The following SDK2 variants were observed in gnomAD, a reference collection of about 807,000 sequenced individuals.
SDK2 encodes sidekick cell adhesion molecule 2.
SDK2 carries 105 observed loss-of-function variants against 253.9 expected under a neutral mutation model. That is an observed-to-expected ratio of 0.41 (90% CI 0.35 to 0.49). SDK2 has a LOEUF of 0.49. SDK2 is among the 20% of genes least tolerant of loss of function. The pLI is 0.06. For synonymous variants in SDK2, 1,249 were observed against 1,234.9 expected (o/e 1.01, Z -0.24); for missense variants, 2,608 against 3,003.0 (o/e 0.87, Z 3.07).
rs2063613726 is a variant in SDK2 at position 73,467,882 on chromosome 17, T to C, written c.331+4230A>G. Among the ~76,000 whole-genome samples the C allele has an allele frequency of 6.6e-6, 1 of 152,216 alleles. No homozygotes were observed. The highest frequency in any genetic ancestry group is 1.5e-5 in the Non-Finnish European group (1 of 68,032). On this transcript the variant is annotated intron_variant, in intron 3 of 44. Coordinates refer to ENST00000392650, the MANE Select transcript of SDK2 (RefSeq NM_001144952.2). This position sits in a 1 kb window ranked among gnomAD's most constrained non-coding sequence, Gnocchi z 4.1. ...CTTCCCAGCGCTGGTTTCAGGGAGC[T>C]GCAGCTGGTGGACAGGGGGAGGTTA...
At chr17:73,469,761 C>T (rs1266843669) in intron 3 of SDK2, among the ~76,000 whole-genome samples, 1 of 152,140 alleles carries the variant, frequency 6.6e-6, no homozygotes, top group African/African-American at 2.4e-5. Flanking sequence ...ATTCCTATCA[C>T]AGCCATGAAG....
At chr17:73,415,726 C>T in intron 17 of SDK2, 85 bp downstream of exon 17, 18 of 1,246,364 alleles carry the variant, frequency 1.4e-5, no homozygotes, top group Non-Finnish European at 1.9e-5. Context: ...TGGGCTTGAG[C>T]AATCCTCCCG....
rs144850975 is a variant in SDK2 at position 73,383,106 on chromosome 17, G to A, written c.4705+770C>T. ...ACATATCATCTCCCATACTGGCCTC[G>A]GTCCACCCCGAGTCTGTGCCTCGGT... On this transcript the variant is annotated intron_variant, in intron 33 of 44. Transcript: ENST00000392650. This position sits in a 1 kb window ranked among gnomAD's most constrained non-coding sequence, Gnocchi z 4.3. Among the ~76,000 whole-genome samples, 23 of 152,220 alleles carry A rather than the reference G, an allele frequency of 1.5e-4. No individual in the cohort carries two copies. Among genetic ancestry groups the A allele is most frequent in the African/African-American group, 4.8e-4 (20 of 41,540 alleles).
chr17:73,350,348 C>T lies in SDK2; in HGVS notation c.5927G>A (p.Gly1976Asp), dbSNP rs759140095. Reference protein sequence around the residue: ...SGNSAKSGALGHSEMMSLDES... With the variant: ...SGNSAKSGALDHSEMMSLDES... ...ATCCAAGCTCATCATCTCGCTGTGG[C>T]CTAGGGCTCCAGACTTGGCACTGTT... Residue 1976 changes from glycine to aspartate, a missense_variant, in exon 43 of 45, where the codon GGC becomes GAC. Physicochemically the swap from Gly to Asp is moderately conservative, Grantham distance 94 (BLOSUM62 -1). Around this residue, in one of 2 missense-constraint regions of SDK2, gnomAD observed 1,103 missense variants for 1,143.9 expected, o/e 0.96. Coordinates refer to ENST00000392650, the MANE Select transcript of SDK2 (RefSeq NM_001144952.2). 5.0e-6 allele frequency: 8 copies of T among 1,613,770 alleles called. No homozygotes were observed. The highest frequency in any genetic ancestry group is 6.8e-6 in the Non-Finnish European group (8 of 1,179,826).
At position 73,626,916 on chromosome 17, in the gene SDK2, G is replaced by A. The variant is rs114981032; in HGVS notation, c.64+17109C>T. Among the ~76,000 whole-genome samples the A allele has an allele frequency of 6.0e-3, 911 of 152,288 alleles. 10 individuals are homozygous for A. The highest frequency in any genetic ancestry group is 0.021 in the African/African-American group (877 of 41,566). On this transcript the variant is annotated intron_variant, in intron 1 of 44. Coordinates refer to ENST00000392650, the MANE Select transcript of SDK2 (RefSeq NM_001144952.2). ...GCAGTGTTCGGTCTCCTTGGGTAGC[G>A]TCTTCACCCTGTGACCCCTTCTCCA...
In SDK2 at chr17:73,642,393, G is replaced by A. The variant is rs374802537; in HGVS notation, c.64+1632C>T. ...TGCTGGCATCCCGTCCCTCCACGCC[G>A]TCCAGGCTTTTGGCTAGTAACACTG... On this transcript the variant is annotated intron_variant, in intron 1 of 44. Coordinates refer to ENST00000392650, the MANE Select transcript of SDK2 (RefSeq NM_001144952.2). This position sits in a 1 kb window ranked among gnomAD's most constrained non-coding sequence, Gnocchi z 4.7. 2.6e-5 allele frequency among the ~76,000 whole-genome samples: 4 copies of A among 152,196 alleles called. No homozygotes were observed. Among genetic ancestry groups the A allele is most frequent in the African/African-American group, 4.8e-5 (2 of 41,454 alleles).
Position 73,431,533 on chromosome 17 carries a change from G to A in SDK2, c.1449C>T (p.Val483=), listed in dbSNP as rs754556933. 13 of 1,613,402 alleles carry A rather than the reference G, an allele frequency of 8.1e-6. No homozygotes were observed. In the Admixed American group the frequency reaches 1.0e-4, roughly 12 times the overall value. ...CGACTAGGTCTGCTGAGGCCTCATCGACCCCCCGAGAGTTGGTGGCCAGGC... is the reference window on the plus strand; with the variant it reads ...CGACTAGGTCTGCTGAGGCCTCATCAACCCCCCGAGAGTTGGTGGCCAGGC... ...YTCLATNSRG[V]DEASADLVVW... is the part of the protein sequence containing the mutation. The change falls in exon 11 of 45, where the codon GTC becomes GTT. Residue 483 remains valine, a synonymous_variant. Coordinates refer to ENST00000392650, the MANE Select transcript of SDK2 (RefSeq NM_001144952.2). This position sits in a 1 kb window ranked among gnomAD's most constrained non-coding sequence, Gnocchi z 5.6.
At chr17:73,412,132 G>A (rs62072152) in intron 18 of SDK2, among the ~76,000 whole-genome samples, 38,290 of 67,006 alleles carry the variant, frequency 0.57, 6,591 homozygotes, top group East Asian at 0.74. Flanking sequence ...GTATATATGT[G>A]TATGTGTATA....
intron 3 of SDK2, among the ~76,000 whole-genome samples, chr17:73,469,990 GCGCACACACACACA>G (rs1277106127): frequency 9.5e-5 from 10 of 105,680 alleles, no homozygotes; most frequent in Admixed American, 2.8e-4. Context: ...CTGCGCGCGC[GCGCACACACACACA>G]CACACACACA....
rs1431586223 is a variant in SDK2 at position 73,350,705 on chromosome 17, G to A, written c.5844C>T (p.Val1948=). 1 of 1,613,682 alleles carries A rather than the reference G, an allele frequency of 6.2e-7. No homozygotes were observed. The highest frequency in any genetic ancestry group is 1.3e-5 in the African/African-American group (1 of 74,880). The change falls in exon 42 of 45, where the codon GTC becomes GTT. Residue 1948 remains valine, a synonymous_variant. Coordinates refer to ENST00000392650, the MANE Select transcript of SDK2 (RefSeq NM_001144952.2). Reference sequence around the variant, plus strand: ...TCTGGCCCCGGATGATGAGCACGAAGACCAGAAGCAGGATGAAGATGAGGC... The same window carrying A: ...TCTGGCCCCGGATGATGAGCACGAAAACCAGAAGCAGGATGAAGATGAGGC... ...LVGLIFILLL[V]FVLIIRGQSK...
chr17:73,489,250 C>T (rs2063788865), intron 2 of SDK2, among the ~76,000 whole-genome samples: 1 of 152,124 alleles, frequency 6.6e-6, no homozygotes, highest in Admixed American at 6.6e-5. Flanking sequence ...CTGTTGCTAC[C>T]CACGAAGACA....
intron 38 of SDK2, among the ~76,000 whole-genome samples, chr17:73,364,367 A>G (rs2062666498): frequency 6.6e-6 from 1 of 152,126 alleles, no homozygotes; most frequent in Non-Finnish European, 1.5e-5. Context: ...GGTTAAGGAC[A>G]AGAGCGAGGT....
intron 1 of SDK2, among the ~76,000 whole-genome samples, chr17:73,553,290 T>C (rs771403309): frequency 3.9e-5 from 6 of 152,160 alleles, no homozygotes; most frequent in Non-Finnish European, 5.9e-5. Flanking sequence ...GAAATTGATA[T>C]TGATAGACCA....
At chr17:73,603,762 A>C (rs2045872296) in intron 1 of SDK2, among the ~76,000 whole-genome samples, 1 of 152,244 alleles carries the variant, frequency 6.6e-6, no homozygotes, top group African/African-American at 2.4e-5. Context: ...GCCAGGGGTC[A>C]CACAGCTTGT....
chr17:73,502,497 A>G (rs1459868899), intron 2 of SDK2, among the ~76,000 whole-genome samples: 1 of 152,244 alleles, frequency 6.6e-6, no homozygotes, highest in Non-Finnish European at 1.5e-5. Context: ...CAAAGGACCC[A>G]TGCTCCAGCT....
intron 29 of SDK2, among the ~76,000 whole-genome samples, chr17:73,388,908 CCCTCCCTT>C (rs1235178072): frequency 9.2e-4 from 84 of 91,570 alleles, no homozygotes; most frequent in African/African-American, 3.6e-3. Flanking sequence ...CTCCCTCCCT[CCCTCCCTT>C]TTTCCCCCCT....
Position 73,418,020 on chromosome 17 carries a change from T to G in SDK2, c.2186+1146A>C, listed in dbSNP as rs1211672979. ...AAGTCTCCTAGATGAGTTTTTTTTT[T>G]TTTTTTTTGTTTTTAGATGGAGTCT... On this transcript the variant is annotated intron_variant, in intron 16 of 44. Transcript: ENST00000392650. Among the ~76,000 whole-genome samples, 19 of 148,500 alleles carry G rather than the reference T, an allele frequency of 1.3e-4. 1 individual carries two copies. Among genetic ancestry groups the G allele is most frequent in the African/African-American group, 4.2e-4 (17 of 40,114 alleles).
intron 1 of SDK2, among the ~76,000 whole-genome samples, chr17:73,615,212 A>G (rs1224904041): frequency 1.3e-5 from 2 of 152,216 alleles, no homozygotes; most frequent in Non-Finnish European, 2.9e-5. Context: ...GCAAGAAGAT[A>G]ACCTCAAACA....
chr17:73,448,085 C>A (rs2063466623), intron 4 of SDK2, among the ~76,000 whole-genome samples: 2 of 152,318 alleles, frequency 1.3e-5, no homozygotes, highest in South Asian at 4.1e-4. Context: ...CTGCCCTTTC[C>A]CAGGTCACAG....
Sources: gnomAD v4.1 joint callset for allele counts (sites outside exome capture counted in the v4.1 genomes callset) on GRCh38, gnomAD v4.1.1 for gene constraint, gnomAD v4.1.1 regional missense constraint, Gnocchi (gnomAD v3.1) non-coding constraint, MANE v1.5 for transcripts, NCBI Gene and HGNC (gene_info 2026-07-23, HGNC 2026-07-21) for gene names.